VOPP1: variants seen among roughly 807,000 people sequenced by gnomAD.
VOPP1 encodes VOPP1 WW domain binding protein, also known as WW domain binding protein VOPP1.
A neutral mutation model predicts 23.5 loss-of-function variants in VOPP1; 8 were observed. The observed-to-expected ratio is 0.34, with a 90% CI of 0.20 to 0.61. The LOEUF is 0.61. Ranked by LOEUF, VOPP1 falls within the 20% of genes least tolerant of loss-of-function variation. VOPP1 has a pLI of 0.78. For synonymous variants in VOPP1, 83 were observed against 97.3 expected (o/e 0.85, Z 0.86); for missense variants, 174 against 238.1 (o/e 0.73, Z 1.77).
chr7:55,543,163 T>C (rs2331027), intron 1 of VOPP1, among the ~76,000 whole-genome samples: 143,279 of 152,138 alleles, frequency 0.94, 67,855 homozygotes, highest in East Asian at 1. Flanking sequence ...GATCCGCCCA[T>C]CTCAGCCTCC....
chr7:55,560,496 C>G (rs192666066), intron 1 of VOPP1, among the ~76,000 whole-genome samples: 4 of 152,194 alleles, frequency 2.6e-5, no homozygotes, highest in Admixed American at 2.6e-4. Context: ...AAGGGACCAC[C>G]AGCCAAGAAA....
chr7:55,520,662 GAC>G (rs200528610), intron 2 of VOPP1, among the ~76,000 whole-genome samples: 1,670 of 152,260 alleles, frequency 0.011, 11 homozygotes, highest in Middle Eastern at 0.02. Context: ...CATACGCACA[GAC>G]ACACACACAC....
At chr7:55,506,795 T>A (rs1794758569) in intron 2 of VOPP1, among the ~76,000 whole-genome samples, 1 of 151,922 alleles carries the variant, frequency 6.6e-6, no homozygotes, top group African/African-American at 2.4e-5. Flanking sequence ...TGCGCCGCCA[T>A]GCCTGGCTAA....
rs1209483330 is a variant in VOPP1 at position 55,485,659 on chromosome 7, C to T, written c.328+6623G>A. ...CGGCTGTCCTGTGGCTGCACTGTGA[C>T]GCCACACAGGGCCCACACAGGGCGC... is the stretch of plus-strand genomic sequence containing the variant. On this transcript the variant is annotated intron_variant, in intron 4 of 4. Coordinates refer to ENST00000285279, the MANE Select transcript of VOPP1 (RefSeq NM_030796.5). 4.6e-5 allele frequency among the ~76,000 whole-genome samples: 7 copies of T among 152,348 alleles called. No individual in the cohort carries two copies. In the South Asian group the frequency reaches 8.3e-4, roughly 18 times the overall value.
chr7:55,567,253 A>G (rs1798191777), intron 1 of VOPP1, among the ~76,000 whole-genome samples: 1 of 152,256 alleles, frequency 6.6e-6, no homozygotes, highest in South Asian at 2.1e-4. Context: ...TATGTCAATC[A>G]ATAAATCAGA....
At chr7:55,523,551 A>C (rs890959486) in intron 1 of VOPP1, among the ~76,000 whole-genome samples, 9 of 152,174 alleles carry the variant, frequency 5.9e-5, no homozygotes, top group African/African-American at 9.7e-5. Flanking sequence ...TGACTCTCAG[A>C]CTAGCTTACC....
chr7:55,539,496 T>C (rs11768022), intron 1 of VOPP1: 47,273 of 152,114 alleles, frequency 0.31, 7,515 homozygotes, highest in Middle Eastern at 0.38. Context: ...CACCCCTTCA[T>C]CCCAAAGATT....
chr7:55,452,602 A>G (rs1791271134), intron 4 of VOPP1, among the ~76,000 whole-genome samples: 1 of 152,232 alleles, frequency 6.6e-6, no homozygotes, highest in Admixed American at 6.5e-5. Context: ...AGTCAAAATG[A>G]CTCCTTGATC....
chr7:55,564,091 A>T (rs1411780431), intron 1 of VOPP1, among the ~76,000 whole-genome samples: 1 of 152,194 alleles, frequency 6.6e-6, no homozygotes, highest in African/African-American at 2.4e-5. Flanking sequence ...TGTTTTACAC[A>T]GCTGCCCTTA....
At chr7:55,533,261 G>C in intron 1 of VOPP1, among the ~76,000 whole-genome samples, 1 of 152,200 alleles carries the variant, frequency 6.6e-6, no homozygotes, top group Non-Finnish European at 1.5e-5. Flanking sequence ...ACTCAGTGTT[G>C]TCTGTGGGTG....
chr7:55,559,301 A>T lies in VOPP1; in HGVS notation c.54+12970T>A, dbSNP rs748114396. Reference sequence around the variant, plus strand: ...ACATCACTAGGTCATGCTGACACTCAGAAAGGGACCAGAGACTCCTAATTA... The same window carrying T: ...ACATCACTAGGTCATGCTGACACTCTGAAAGGGACCAGAGACTCCTAATTA... On this transcript the variant is annotated intron_variant, in intron 1 of 4. Transcript: ENST00000285279. Among the ~76,000 whole-genome samples the T allele has an allele frequency of 1.4e-4, 22 of 152,208 alleles. 1 individual carries two copies. The highest frequency in any genetic ancestry group is 2.9e-5 in the Non-Finnish European group (2 of 68,038).
intron 1 of VOPP1, among the ~76,000 whole-genome samples, chr7:55,561,570 G>C (rs992455722): frequency 6.6e-6 from 1 of 151,692 alleles, no homozygotes; most frequent in South Asian, 2.1e-4. Context: ...TTAAGTGGGC[G>C]TGCTGGTGGG....
In VOPP1 at chr7:55,572,262, G is replaced by A. The variant is rs756025759; in HGVS notation, c.54+9C>T. On this transcript the variant is annotated intron_variant, in intron 1 of 4. Coordinates refer to ENST00000285279, the MANE Select transcript of VOPP1 (RefSeq NM_030796.5). ...GCGCCTCCGGCAGCACCCGGTCCCCGGCCCCTACCTCCAAGAGCAGCCCGA... is the reference window on the plus strand; with the variant it reads ...GCGCCTCCGGCAGCACCCGGTCCCCAGCCCCTACCTCCAAGAGCAGCCCGA... 9.2e-6 allele frequency: 14 copies of A among 1,523,980 alleles called. No individual in the cohort carries two copies. Among genetic ancestry groups the A allele is most frequent in the Admixed American group, 1.9e-5 (1 of 51,552 alleles). The allele number at this position is 1,523,980 out of a possible 1,614,324, so 94.4% of individuals were successfully genotyped here. A position where few individuals can be genotyped will look rare whatever the true frequency, so the allele number is the denominator to read the frequency against.
chr7:55,557,508 G>A (rs1230184876), intron 1 of VOPP1, among the ~76,000 whole-genome samples: 2 of 151,000 alleles, frequency 1.3e-5, no homozygotes, highest in African/African-American at 4.9e-5. Context: ...CTAGCAAGAA[G>A]GCTCTTATGT....
intron 1 of VOPP1, chr7:55,521,528 G>C: frequency 9.9e-7 from 1 of 1,014,238 alleles, no homozygotes; most frequent in Non-Finnish European, 1.2e-6. Context: ...AATAGATTTA[G>C]CATTTCTAGA....
At chr7:55,435,041 C>T (rs1378780830), downstream of VOPP1, among the ~76,000 whole-genome samples, 1 of 152,194 alleles carries the variant, frequency 6.6e-6, no homozygotes, top group Non-Finnish European at 1.5e-5. Context: ...TTCCCTAAGA[C>T]GTCTTTACAA....
At chr7:55,545,998 T>C (rs1797350937) in intron 1 of VOPP1, among the ~76,000 whole-genome samples, 1 of 151,474 alleles carries the variant, frequency 6.6e-6, no homozygotes, top group South Asian at 2.1e-4. Flanking sequence ...GCCTGAGAGG[T>C]CAAGGTTGCG....
At chr7:55,437,985 C>G (rs1229897364) in intron 4 of VOPP1, among the ~76,000 whole-genome samples, 2 of 151,314 alleles carry the variant, frequency 1.3e-5, no homozygotes, top group South Asian at 4.2e-4. Flanking sequence ...ACCTCTGCCT[C>G]CCAGGTTCAA....
At chr7:55,515,881 G>A in intron 2 of VOPP1, 7 of 759,178 alleles carry the variant, frequency 9.2e-6, no homozygotes, top group Non-Finnish European at 1.1e-5. Context: ...TGACAGGGAA[G>A]TGTGCTGTTT....
Sources: allele counts gnomAD v4.1 joint callset (sites outside exome capture counted in the v4.1 genomes callset), GRCh38; gene constraint gnomAD v4.1.1; transcripts MANE v1.5; gene names NCBI Gene and HGNC (gene_info 2026-07-23, HGNC 2026-07-21).